Variants in SIM1 observed in about 807,000 individuals in gnomAD.
SIM1 encodes single-minded homolog 1.
In SIM1, 18 loss-of-function variants were observed where a neutral mutation model predicts 78.2. The observed-to-expected ratio is 0.23, with a 90% CI of 0.16 to 0.34. The LOEUF (loss-of-function observed/expected upper bound fraction) is 0.34. SIM1 is among the 10% of genes least tolerant of loss of function. The probability of loss-of-function intolerance (pLI) is 1.00; values close to 1 mark genes in which losing one functional copy is unlikely to be tolerated. For synonymous variants in SIM1, 417 were observed against 385.2 expected, an observed-to-expected ratio of 1.08 and a Z score of -0.97; for missense variants, 939 against 975.1, an observed-to-expected ratio of 0.96 and a Z score of 0.49.
chr6:100,393,825 A>G lies in SIM1; in HGVS notation c.1232T>C (p.Leu411Ser). Residue 411 changes from leucine to serine, a missense_variant, in exon 11 of 12, where the codon TTG (leucine) becomes TCG (serine). Transcript: ENST00000369208. ...AAGCTGCGGAGAGGCCGTGTCGGTC[A>G]AGGGACTTCCGCCCCACTGGCTGTC... is the stretch of plus-strand genomic sequence containing the variant. Reference protein sequence around the residue: ...DHDSQWGGSPLTDTASPQLLD... With the variant: ...DHDSQWGGSPSTDTASPQLLD... The G allele has an allele frequency of 6.2e-7, 1 of 1,610,162 alleles. No individual in the cohort carries two copies. The highest frequency in any genetic ancestry group is 8.5e-7 in the Non-Finnish European group (1 of 1,177,428).
chr6:100,407,605 C>T (rs1243213494), intron 10 of SIM1, among the ~76,000 whole-genome samples: 1 of 152,080 alleles, frequency 6.6e-6, no homozygotes, highest in Non-Finnish European at 1.5e-5. Flanking sequence ...TCTTTGTCAA[C>T]ACTTACCTCT....
At chr6:100,398,837 C>T (rs1304649845) in intron 10 of SIM1, among the ~76,000 whole-genome samples, 1 of 151,984 alleles carries the variant, frequency 6.6e-6, no homozygotes, top group African/African-American at 2.4e-5. Context: ...CTTTGAGGAC[C>T]TGCCGTGCTG....
chr6:100,418,171 T>TG (rs1370098025), intron 10 of SIM1, among the ~76,000 whole-genome samples: 1 of 151,756 alleles, frequency 6.6e-6, no homozygotes, highest in Non-Finnish European at 1.5e-5. Flanking sequence ...GAGACTCCCA[T>TG]GTCTACAAAA....
rs1454213412 is a variant in SIM1 at position 100,390,931 on chromosome 6, T to C, written c.1731A>G (p.Glu577=). Residue 577 remains glutamate (E), a synonymous_variant, in exon 12 of 12, where the codon GAA becomes GAG. Transcript: ENST00000369208. Reference sequence around the variant, plus strand: ...TCCTTAGCTGTAATCTGTTCTCTTCTTCTTTAATCATTTGCTGAGTGGCTC... The same window carrying C: ...TCCTTAGCTGTAATCTGTTCTCTTCCTCTTTAATCATTTGCTGAGTGGCTC... ...LIRATQQMIK[E]EENRLQLRKA... is the part of the protein sequence containing the mutation. The C allele has an allele frequency of 3.7e-6, 6 of 1,614,058 alleles. No individual in the cohort carries two copies. Among genetic ancestry groups the C allele is most frequent in the Non-Finnish European group, 5.1e-6 (6 of 1,180,044 alleles).
chr6:100,432,708 T>A (rs1226870129), intron 9 of SIM1, among the ~76,000 whole-genome samples: 1 of 152,178 alleles, frequency 6.6e-6, no homozygotes, highest in African/African-American at 2.4e-5. Context: ...TATTAACACA[T>A]ACTCTCTGGG....
intron 10 of SIM1, among the ~76,000 whole-genome samples, chr6:100,417,287 A>C (rs1178590143): frequency 6.6e-6 from 1 of 152,172 alleles, no homozygotes; most frequent in East Asian, 1.9e-4. Context: ...TGTCCTTTGT[A>C]TACACCATCT....
At chr6:100,405,901 A>G (rs1176467045) in intron 10 of SIM1, among the ~76,000 whole-genome samples, 1 of 152,172 alleles carries the variant, frequency 6.6e-6, no homozygotes, top group Non-Finnish European at 1.5e-5. Flanking sequence ...CTCTATAAGG[A>G]ATCTCCTATA....
At chr6:100,393,194 T>C (rs538837375) in intron 11 of SIM1, among the ~76,000 whole-genome samples, 2 of 152,192 alleles carry the variant, frequency 1.3e-5, no homozygotes, top group Non-Finnish European at 2.9e-5. Context: ...GTATGAGGAA[T>C]GTAAATGCGT....
At chr6:100,438,329 A>C (rs1225053966) in intron 9 of SIM1, among the ~76,000 whole-genome samples, 2 of 152,248 alleles carry the variant, frequency 1.3e-5, no homozygotes, top group African/African-American at 4.8e-5. Context: ...TCAAAAGAAG[A>C]TATACAAACA....
At chr6:100,392,851 C>T (rs1394151087) in intron 11 of SIM1, among the ~76,000 whole-genome samples, 1 of 152,202 alleles carries the variant, frequency 6.6e-6, no homozygotes, top group East Asian at 1.9e-4. Context: ...TAGCAACAAT[C>T]AAAGCTTTAG....
intron 9 of SIM1, among the ~76,000 whole-genome samples, chr6:100,436,092 T>C (rs1006016048): frequency 3.9e-5 from 6 of 152,122 alleles, no homozygotes; most frequent in African/African-American, 1.4e-4. Flanking sequence ...GAAAGCAGTC[T>C]AACCACACCT....
At chr6:100,402,891 C>A (rs961637900) in intron 10 of SIM1, among the ~76,000 whole-genome samples, 2 of 152,114 alleles carry the variant, frequency 1.3e-5, no homozygotes, top group African/African-American at 4.8e-5. Context: ...TGACTGTTTT[C>A]AAGTAAAACA....
intron 9 of SIM1, among the ~76,000 whole-genome samples, chr6:100,439,791 T>C (rs1447470531): frequency 1.3e-5 from 2 of 152,244 alleles, no homozygotes; most frequent in Non-Finnish European, 2.9e-5. Context: ...AACTAACCTA[T>C]GTAAAACACC....
At chr6:100,453,202 T>C (rs1285832630) in intron 3 of SIM1, among the ~76,000 whole-genome samples, 1 of 152,174 alleles carries the variant, frequency 6.6e-6, no homozygotes, top group Non-Finnish European at 1.5e-5. Context: ...GGTGTGTATG[T>C]GCTTAAGCAA....
chr6:100,426,552 A>G lies in SIM1; in HGVS notation c.999-5594T>C, dbSNP rs188545508. On this transcript the variant is annotated intron_variant, in intron 9 of 11. Transcript: ENST00000369208. ...CACAAAAAGGCATTGTCAGTTCTAG[A>G]GAAATGCATTAACATTATTTCTATC... Among the ~76,000 whole-genome samples the G allele has an allele frequency of 6.4e-4, 97 of 152,336 alleles. 1 individual carries two copies. The highest frequency in any genetic ancestry group is 2.3e-3 in the African/African-American group (94 of 41,592).
rs556692438 is a variant in SIM1 at position 100,448,305 on chromosome 6, C to T, written c.744-53G>A. The T allele has an allele frequency of 1.1e-4, 159 of 1,466,698 alleles. 2 individuals carry two copies. In the South Asian group the frequency reaches 1.9e-3, roughly 17 times the overall value. 90.9% of individuals were successfully genotyped at this position (1,466,698 alleles called of 1,614,324 possible). On this transcript the variant is annotated intron_variant, in intron 7 of 11. Transcript: ENST00000369208. The stretch of plus-strand genomic sequence containing the variant: ...ATGCAGGCGCGGGTGCAGGGATGCC[C>T]TCCCCACACACCCTCGACAGCCGTC...
chr6:100,413,687 C>A (rs985033528), intron 10 of SIM1, among the ~76,000 whole-genome samples: 5 of 152,070 alleles, frequency 3.3e-5, no homozygotes, highest in African/African-American at 1.2e-4. Flanking sequence ...ACCTAAGATA[C>A]CCACTTAAGT....
In SIM1 at chr6:100,386,652, T is replaced by C. The variant is rs1770520284; in HGVS notation, c.*3709A>G. 2.6e-5 allele frequency: 4 copies of C among 152,086 alleles called. No homozygotes were observed. The highest frequency in any genetic ancestry group is 2.6e-4 in the Admixed American group (4 of 15,260). The allele number at this position is 152,086 out of a possible 1,614,324, so 9.4% of individuals were successfully genotyped here. The stretch of plus-strand genomic sequence containing the variant: ...CTAAAGCTTATTTTAAGTGGGATTC[T>C]CTGCCCAGAGGCAGCATGTGACAAC... On this transcript the variant is annotated 3_prime_UTR_variant, in exon 12 of 12. Coordinates refer to ENST00000369208, the MANE Select transcript of SIM1 (RefSeq NM_005068.3).
chr6:100,450,396 G>A (rs745702559), intron 3 of SIM1, 40 bp from the exon 4 acceptor site: 1 of 1,566,580 alleles, frequency 6.4e-7, no homozygotes, highest in Non-Finnish European at 8.8e-7. Flanking sequence ...AGCCCTCTGG[G>A]CCATCTGGAG....
Sources: gnomAD v4.1 joint callset for allele counts (sites outside exome capture counted in the v4.1 genomes callset) on GRCh38, gnomAD v4.1.1 for gene constraint, MANE v1.5 for transcripts, NCBI Gene and HGNC (gene_info 2026-07-23, HGNC 2026-07-21) for gene names.